The following BZW1 variants were observed in gnomAD, a reference collection of about 807,000 sequenced individuals.
The protein encoded by BZW1 is eIF5-mimic protein 2.
In BZW1, 3 loss-of-function variants were observed where a neutral mutation model predicts 54.1. That is an observed-to-expected ratio of 0.06 (90% CI 0.03 to 0.14). BZW1 has a LOEUF of 0.14. Ranked by LOEUF, BZW1 falls within the 10% of genes least tolerant of loss-of-function variation. BZW1 has a pLI of 1.00. For missense variants in BZW1, 206 were observed against 491.7 expected (o/e 0.42, Z 5.50); for synonymous variants, 152 against 162.7 (o/e 0.93, Z 0.50).
chr2:200,813,518 G>T, intron 2 of BZW1: 1 of 335,862 alleles, frequency 3.0e-6, no homozygotes. Flanking sequence ...TCTTCTTTTC[G>T]GTGTGAAGGT....
rs1236237444 is a variant in BZW1, at chr2:200,816,041, G to C, written c.336+280G>C. Among the ~76,000 whole-genome samples, 31 of 152,158 alleles carry C rather than the reference G, an allele frequency of 2.0e-4. 1 individual carries two copies. Reference sequence around the variant, plus strand: ...GCTGGAAAAGTCAGTTTCGTATTGTGATTTCTCTAGTTTATCTGCATACAT... The same window carrying C: ...GCTGGAAAAGTCAGTTTCGTATTGTCATTTCTCTAGTTTATCTGCATACAT... On this transcript the variant is annotated intron_variant, in intron 4 of 11. Transcript: ENST00000409600.
intron 11 of BZW1, among the ~76,000 whole-genome samples, chr2:200,821,935 G>A (rs2038534378): frequency 6.6e-6 from 1 of 152,090 alleles, no homozygotes; most frequent in Admixed American, 6.6e-5. Context: ...CAGTTTTGGT[G>A]GTGGGCGCCT....
chr2:200,815,207 T>C, intron 2 of BZW1, 134 bp from the exon 3 acceptor site: 1 of 954,908 alleles, frequency 1.0e-6, no homozygotes, highest in South Asian at 1.8e-5. Context: ...GTCTTACACT[T>C]GCAGAGGGGA....
At chr2:200,822,111 T>TA in intron 11 of BZW1, 36 bp from the exon 12 acceptor site, 1 of 1,577,190 alleles carries the variant, frequency 6.3e-7, no homozygotes, top group Non-Finnish European at 8.7e-7. Flanking sequence ...TGCCTTCTGA[T>TA]ACATAATGTT....
In BZW1 at chr2:200,813,983, C is replaced by G. The variant is rs892053184; in HGVS notation, c.64+702C>G. On this transcript the variant is annotated intron_variant, in intron 2 of 11. Coordinates refer to ENST00000409600, the MANE Select transcript of BZW1 (RefSeq NM_001207067.2). Reference sequence around the variant, plus strand: ...GGTTATAAGTTGTGTTTTTCTTTTTCTTCCTTAAGTAGCAGACATTTTGAG... The same window carrying G: ...GGTTATAAGTTGTGTTTTTCTTTTTGTTCCTTAAGTAGCAGACATTTTGAG... Among the ~76,000 whole-genome samples, 31 of 152,102 alleles carry G rather than the reference C, an allele frequency of 2.0e-4. 3 individuals are homozygous for G. Among genetic ancestry groups the G allele is most frequent in the Admixed American group, 2.0e-3 (31 of 15,268 alleles).
Position 200,826,531 on chromosome 2 carries a change from TCTC to T in BZW1, c.*4356_*4358del, listed in dbSNP as rs1475783179. The T allele has an allele frequency of 1.3e-5, 2 of 148,550 alleles. No homozygotes were observed. Among genetic ancestry groups the T allele is most frequent in the South Asian group, 2.2e-4 (1 of 4,546 alleles). The allele number at this position is 148,550 out of a possible 1,614,324, so 9.2% of individuals were successfully genotyped here. ...GCTCCGCCTTGGGGGTTCACACCAT[TCTC>T]CTGTCTCAGCCTCCTAGCTGGGATT... On this transcript the variant is annotated 3_prime_UTR_variant, in exon 12 of 12. Coordinates refer to ENST00000409600, the MANE Select transcript of BZW1 (RefSeq NM_001207067.2).
intron 2 of BZW1, among the ~76,000 whole-genome samples, chr2:200,814,187 A>C (rs941783832): frequency 4.6e-5 from 7 of 152,250 alleles, no homozygotes; most frequent in Non-Finnish European, 1.0e-4. Flanking sequence ...AAAATGGGAA[A>C]GTGTATCTCT....
In BZW1 at chr2:200,817,960, AT is replaced by A; in HGVS notation, c.539-10del. Reference sequence around the variant, plus strand: ...GGAAGGTACTTCTGTTAATTAAGCTATTTTCTTTTACAGGAGTTTCAGCAGC... The same window carrying A: ...GGAAGGTACTTCTGTTAATTAAGCTATTTCTTTTACAGGAGTTTCAGCAGC... On this transcript the variant is annotated splice_polypyrimidine_tract_variant and intron_variant, in intron 6 of 11. Coordinates refer to ENST00000409600, the MANE Select transcript of BZW1 (RefSeq NM_001207067.2). 1 of 1,529,454 alleles carries A rather than the reference AT, an allele frequency of 6.5e-7. No individual in the cohort carries two copies. The highest frequency in any genetic ancestry group is 8.9e-7 in the Non-Finnish European group (1 of 1,129,646). 94.7% of individuals were successfully genotyped at this position (1,529,454 alleles called of 1,614,324 possible). A position where few individuals can be genotyped will look rare whatever the true frequency, so the allele number is the denominator to read the frequency against.
chr2:200,812,451 CTG>C lies in BZW1; in HGVS notation c.-11+464_-11+465del, dbSNP rs937991547. 8 of 1,333,190 alleles carry C rather than the reference CTG, an allele frequency of 6.0e-6. No individual in the cohort carries two copies. The African/African-American group carries it at 6.0e-5, about 10-fold the overall frequency. 82.6% of individuals were successfully genotyped at this position (1,333,190 alleles called of 1,614,324 possible). On this transcript the variant is annotated intron_variant, in intron 1 of 11. Transcript: ENST00000409600. ...GCCCCGGCGCAAAGCGCCTCAGTGA[CTG>C]TGGTCCGCTCGTTGCGGCGGCCGCC...
At position 200,818,100 on chromosome 2, in the gene BZW1, C is replaced by T. The variant is rs751794822; in HGVS notation, c.648+17C>T. 9.8e-6 allele frequency: 15 copies of T among 1,533,248 alleles called. No individual in the cohort carries two copies. Among genetic ancestry groups the T allele is most frequent in the Non-Finnish European group, 1.1e-5 (12 of 1,135,248 alleles). The allele number at this position is 1,533,248 out of a possible 1,614,324, so 95.0% of individuals were successfully genotyped here. ...AGACTGATGGTTGGTAACTTTTTTT[C>T]ATTCTTCCCATTCTTGCCAAGGATG... On this transcript the variant is annotated intron_variant, in intron 7 of 11. Transcript: ENST00000409600.
intron 9 of BZW1, among the ~76,000 whole-genome samples, chr2:200,819,704 T>C (rs770045815): frequency 1.3e-5 from 2 of 151,866 alleles, no homozygotes; most frequent in Non-Finnish European, 2.9e-5. Context: ...CCTGGCTAAT[T>C]TTTGTATTTT....
intron 5 of BZW1, among the ~76,000 whole-genome samples, chr2:200,816,619 G>A (rs2038302091): frequency 6.6e-6 from 1 of 152,146 alleles, no homozygotes; most frequent in South Asian, 2.1e-4. Flanking sequence ...AGCCTCCCGA[G>A]TAGCTGGGAT....
rs374592876 is a variant in BZW1, at chr2:200,826,407, ATTTTTTTTTT to A, written c.*4255_*4264del. 21 of 54,934 alleles carry A rather than the reference ATTTTTTTTTT, an allele frequency of 3.8e-4. No individual in the cohort carries two copies. The highest frequency in any genetic ancestry group is 2.1e-3 in the East Asian group (5 of 2,406). 3.4% of individuals were successfully genotyped at this position (54,934 alleles called of 1,614,324 possible). The stretch of plus-strand genomic sequence containing the variant: ...TAGATAGATAGATAGATAGATAGAT[ATTTTTTTTTT>A]TTTTTTTTTTTTTTTTTTTTTTTTT... On this transcript the variant is annotated 3_prime_UTR_variant, in exon 12 of 12. Transcript: ENST00000409600.
chr2:200,818,521 G>A (rs1003212840), intron 8 of BZW1, 128 bp downstream of exon 8: 10 of 1,209,668 alleles, frequency 8.3e-6, no homozygotes, highest in Non-Finnish European at 1.2e-5. Context: ...CTGGAACTTT[G>A]CCTCATTCTT....
Position 200,824,169 on chromosome 2 carries a change from T to C in BZW1, c.*1991T>C, listed in dbSNP as rs1409326891. On this transcript the variant is annotated 3_prime_UTR_variant, in exon 12 of 12. Transcript: ENST00000409600. ...GTAGTGTTTACTTAGTAGAACATTA[T>C]AGTAAGTGGATATCACTTGTGACAG... The C allele has an allele frequency of 6.6e-6, 1 of 152,180 alleles. No individual in the cohort carries two copies. Among genetic ancestry groups the C allele is most frequent in the Admixed American group, 6.5e-5 (1 of 15,280 alleles). The allele number at this position is 152,180 out of a possible 1,614,324, so 9.4% of individuals were successfully genotyped here. A position where few individuals can be genotyped will look rare whatever the true frequency, so the allele number is the denominator to read the frequency against.
Position 200,826,913 on chromosome 2 carries a change from A to G in BZW1, c.*4735A>G, listed in dbSNP as rs1352491110. The G allele has an allele frequency of 1.3e-5, 2 of 151,684 alleles. No individual in the cohort carries two copies. The highest frequency in any genetic ancestry group is 2.1e-4 in the South Asian group (1 of 4,818). 9.4% of individuals were successfully genotyped at this position (151,684 alleles called of 1,614,324 possible). On this transcript the variant is annotated 3_prime_UTR_variant, in exon 12 of 12. Transcript: ENST00000409600. ...AAGCTAGGAGCTAGTTCATGCTAAT[A>G]TTCTTAAGGACAAAAATAGTTTACA...
At position 200,819,960 on chromosome 2, in the gene BZW1, CT is replaced by C. The variant is rs1377034463; in HGVS notation, c.967-18del. 2.0e-6 allele frequency: 3 copies of C among 1,473,604 alleles called. 1 individual carries two copies. The South Asian group carries it at 4.1e-5, about 20-fold the overall frequency. The allele number at this position is 1,473,604 out of a possible 1,614,324, so 91.3% of individuals were successfully genotyped here. A position where few individuals can be genotyped will look rare whatever the true frequency, so the allele number is the denominator to read the frequency against. ...GGTTATTTGTAATGAATGACTAAAT[CT>C]TTTCTCTGTTCCTTTAAAAGCAATA... On this transcript the variant is annotated intron_variant, in intron 9 of 11. Coordinates refer to ENST00000409600, the MANE Select transcript of BZW1 (RefSeq NM_001207067.2).
intron 2 of BZW1, among the ~76,000 whole-genome samples, chr2:200,813,982 TCTTC>T (rs1575048108): frequency 6.6e-6 from 1 of 152,360 alleles, no homozygotes; most frequent in African/African-American, 2.4e-5. Context: ...TTTTTCTTTT[TCTTC>T]CTTAAGTAGC....
chr2:200,819,326 C>T (rs2038416187), intron 9 of BZW1, among the ~76,000 whole-genome samples: 1 of 152,122 alleles, frequency 6.6e-6, no homozygotes, highest in Non-Finnish European at 1.5e-5. Flanking sequence ...GAGATCAAGA[C>T]TGCAGTGAGC....
Sources: allele counts gnomAD v4.1 joint callset (sites outside exome capture counted in the v4.1 genomes callset), GRCh38; gene constraint gnomAD v4.1.1; transcripts MANE v1.5; gene names NCBI Gene and HGNC (gene_info 2026-07-23, HGNC 2026-07-21).